The following STAR variants were observed in gnomAD, a reference collection of about 807,000 sequenced individuals.
STAR encodes the protein steroidogenic acute regulatory protein.
A neutral mutation model predicts 32.3 loss-of-function variants in STAR; 32 were observed. The ratio of observed to expected loss-of-function variants is 0.99; its 90% CI spans 0.75 to 1.33. The LOEUF is 1.33. Ranked by LOEUF, STAR falls within the 40% of genes most tolerant of loss-of-function variation. STAR has a pLI of 0.00. For synonymous variants in STAR, 134 were observed against 140.5 expected (o/e 0.95, Z 0.33); for missense variants, 375 against 379.0 (o/e 0.99, Z 0.09).
At position 38,146,124 on chromosome 8, in the gene STAR, A is replaced by C; in HGVS notation, c.489T>G (p.Asp163Glu). 1 of 1,614,004 alleles carries C rather than the reference A, an allele frequency of 6.2e-7. No homozygotes were observed. The highest frequency in any genetic ancestry group is 1.1e-5 in the South Asian group (1 of 91,080). Reference protein sequence around the residue: ...EIKVLQKIGKDTFITHELAAE... With the variant: ...EIKVLQKIGKETFITHELAAE... ...CAGCCAGCTCGTGAGTAATGAATGT[A>C]TCTTTTCCGATCTTCTGCAGGACCT... Residue 163 changes from aspartate (D) to glutamate (E), a missense_variant, in exon 5 of 7, where the codon GAT (aspartate) becomes GAG (glutamate). Coordinates refer to ENST00000276449, the MANE Select transcript of STAR (RefSeq NM_000349.3).
At chr8:38,146,504 A>G (rs1019406560) in intron 3 of STAR, 57 bp from the exon 4 acceptor site, 19 of 1,586,092 alleles carry the variant, frequency 1.2e-5, no homozygotes, top group Non-Finnish European at 1.6e-5. Context: ...TTGGCCGGGC[A>G]TGGTGGTTCA....
rs928693952 is a variant in STAR at position 38,144,163 on chromosome 8, C to T, written c.*110G>A. The T allele has an allele frequency of 6.9e-6, 8 of 1,167,770 alleles. No individual in the cohort carries two copies. In the African/African-American group the frequency reaches 1.2e-4, roughly 18 times the overall value. 72.3% of individuals were successfully genotyped at this position (1,167,770 alleles called of 1,614,324 possible). On this transcript the variant is annotated 3_prime_UTR_variant, in exon 7 of 7. Coordinates refer to ENST00000276449, the MANE Select transcript of STAR (RefSeq NM_000349.3). ...TACTCTAAACACGAACCCCACCCAT[C>T]CCACTGTCACCAGATGGAGATCTTA...
Position 38,146,407 on chromosome 8 carries a change from A to G in STAR, c.347T>C (p.Val116Ala). ...GACCTCCAGCCGGAACACCTTGCCC[A>G]CATCTGGGACCACTTTACTCATCAC... ...DKVMSKVVPD[V>A]GKVFRLEVVV... Residue 116 changes from valine (V) to alanine (A), a missense_variant, in exon 4 of 7, where the codon GTG (valine) becomes GCG (alanine). Physicochemically the swap from Val to Ala is moderately conservative, Grantham distance 64. Coordinates refer to ENST00000276449, the MANE Select transcript of STAR (RefSeq NM_000349.3). 1.2e-6 allele frequency: 2 copies of G among 1,614,136 alleles called. No individual in the cohort carries two copies. Among genetic ancestry groups the G allele is most frequent in the Non-Finnish European group, 1.7e-6 (2 of 1,180,046 alleles).
At position 38,143,948 on chromosome 8, in the gene STAR, C is replaced by G. The variant is rs149393230; in HGVS notation, c.*325G>C. On this transcript the variant is annotated 3_prime_UTR_variant, in exon 7 of 7. Coordinates refer to ENST00000276449, the MANE Select transcript of STAR (RefSeq NM_000349.3). ...TGGTTAGCATCCCCCACACCCATAT[C>G]AGCCACTAGCATTTTAAAGATGGTT... 385 of 359,934 alleles carry G rather than the reference C, an allele frequency of 1.1e-3. 1 individual carries two copies. Among genetic ancestry groups the G allele is most frequent in the African/African-American group, 7.6e-3 (359 of 47,098 alleles). The allele number at this position is 359,934 out of a possible 1,614,324, so 22.3% of individuals were successfully genotyped here. A position where few individuals can be genotyped will look rare whatever the true frequency, so the allele number is the denominator to read the frequency against.
intron 3 of STAR, among the ~76,000 whole-genome samples, chr8:38,147,857 G>A (rs574888731): frequency 1.3e-5 from 2 of 152,334 alleles, no homozygotes; most frequent in African/African-American, 4.8e-5. Flanking sequence ...TGACAGCACA[G>A]ACAGTGCACT....
rs1022441621 is a variant in STAR at position 38,143,496 on chromosome 8, G to A, written c.*777C>T. 2.0e-5 allele frequency among the ~76,000 whole-genome samples: 3 copies of A among 151,946 alleles called. No individual in the cohort carries two copies. Among genetic ancestry groups the A allele is most frequent in the South Asian group, 2.1e-4 (1 of 4,818 alleles). On this transcript the variant is annotated 3_prime_UTR_variant, in exon 7 of 7. Transcript: ENST00000276449. ...TAATTTTTTGTATTTTAGTAGAGAC[G>A]GGGTTTCACCATGTTGGCCAGGATG...
At chr8:38,150,686 T>C (rs1353075384) in intron 1 of STAR, 69 bp downstream of exon 1, 7 of 1,600,062 alleles carry the variant, frequency 4.4e-6, no homozygotes, top group African/African-American at 4.0e-5. Flanking sequence ...AGGATCAGAA[T>C]TGGGTGGCCT....
chr8:38,144,452 T>C, intron 6 of STAR, 66 bp from the exon 7 acceptor site: 1 of 1,546,460 alleles, frequency 6.5e-7, no homozygotes, highest in Non-Finnish European at 8.7e-7. Context: ...CACTGCACCC[T>C]ATCACAAACA....
At chr8:38,144,951 G>T in intron 6 of STAR, 1 of 1,226,312 alleles carries the variant, frequency 8.2e-7, no homozygotes, top group East Asian at 3.6e-5. Context: ...GGAGGTTACG[G>T]TGAGCTGAGA....
rs952997094 is a variant in STAR at position 38,148,553 on chromosome 8, G to A, written c.178+88C>T. Reference sequence around the variant, plus strand: ...GTCCTCTCAAAATGAAGGAATGGCAGGAGGGGAGCCAAAGCCACATGCACC... The same window carrying A: ...GTCCTCTCAAAATGAAGGAATGGCAAGAGGGGAGCCAAAGCCACATGCACC... On this transcript the variant is annotated intron_variant, in intron 2 of 6. Transcript: ENST00000276449. The A allele has an allele frequency of 9.6e-5, 134 of 1,399,524 alleles. No homozygotes were observed. In the Admixed American group the frequency reaches 2.3e-3, roughly 24 times the overall value. 86.7% of individuals were successfully genotyped at this position (1,399,524 alleles called of 1,614,324 possible). A position where few individuals can be genotyped will look rare whatever the true frequency, so the allele number is the denominator to read the frequency against.
chr8:38,150,722 A>C, intron 1 of STAR, 33 bp downstream of exon 1: 2 of 1,604,504 alleles, frequency 1.2e-6, no homozygotes, highest in Non-Finnish European at 1.7e-6. Context: ...AGAGCTGGCC[A>C]ACCCCTCATC....
intron 3 of STAR, among the ~76,000 whole-genome samples, chr8:38,147,424 G>A: frequency 6.6e-6 from 1 of 152,194 alleles, no homozygotes; most frequent in East Asian, 1.9e-4. Context: ...TACATAGAAT[G>A]TTGAATGGGA....
At chr8:38,150,162 C>T (rs1266865524) in intron 1 of STAR, among the ~76,000 whole-genome samples, 2 of 151,924 alleles carry the variant, frequency 1.3e-5, no homozygotes, top group Non-Finnish European at 1.5e-5. Context: ...TGGGAGAATC[C>T]CTTGAGCCCA....
Position 38,143,621 on chromosome 8 carries a change from C to G in STAR, c.*652G>C, listed in dbSNP as rs1049185010. The stretch of plus-strand genomic sequence containing the variant: ...CACCCAGCTGCATAGATTTTTTTAA[C>G]AGTACAATATTAAAACAAAGACTGA... On this transcript the variant is annotated 3_prime_UTR_variant, in exon 7 of 7. Transcript: ENST00000276449. 1.9e-5 allele frequency: 3 copies of G among 155,042 alleles called. No individual in the cohort carries two copies. Among genetic ancestry groups the G allele is most frequent in the Admixed American group, 1.9e-4 (3 of 15,862 alleles). The allele number at this position is 155,042 out of a possible 1,614,324, so 9.6% of individuals were successfully genotyped here.
In STAR at chr8:38,143,922, G is replaced by C. The variant is rs1802512855; in HGVS notation, c.*351C>G. On this transcript the variant is annotated 3_prime_UTR_variant, in exon 7 of 7. Coordinates refer to ENST00000276449, the MANE Select transcript of STAR (RefSeq NM_000349.3). ...CATAAAGCAAGACTTCTCAGGCCCTGTGGTTAGCATCCCCCACACCCATAT... is the reference window on the plus strand; with the variant it reads ...CATAAAGCAAGACTTCTCAGGCCCTCTGGTTAGCATCCCCCACACCCATAT... The C allele has an allele frequency of 5.7e-6, 2 of 350,928 alleles. No individual in the cohort carries two copies. Among genetic ancestry groups the C allele is most frequent in the African/African-American group, 4.3e-5 (2 of 46,720 alleles). 21.7% of individuals were successfully genotyped at this position (350,928 alleles called of 1,614,324 possible).
At chr8:38,148,067 T>G (rs949375721) in intron 3 of STAR, 133 bp downstream of exon 3, 12 of 1,199,494 alleles carry the variant, frequency 1.0e-5, no homozygotes, top group Non-Finnish European at 1.4e-5. Flanking sequence ...AAAGGAGAGT[T>G]CTCAAGATAA....
In STAR at chr8:38,143,029, A is replaced by G. The variant is rs1436609876; in HGVS notation, c.*1244T>C. 2.0e-5 allele frequency among the ~76,000 whole-genome samples: 3 copies of G among 152,228 alleles called. No individual in the cohort carries two copies. The highest frequency in any genetic ancestry group is 4.4e-5 in the Non-Finnish European group (3 of 68,044). On this transcript the variant is annotated 3_prime_UTR_variant, in exon 7 of 7. Coordinates refer to ENST00000276449, the MANE Select transcript of STAR (RefSeq NM_000349.3). ...TATTGTTTATCCTCTCATATTTGGCACTGCCTTTCCTTTTAATTAGGTAAA... is the reference window on the plus strand; with the variant it reads ...TATTGTTTATCCTCTCATATTTGGCGCTGCCTTTCCTTTTAATTAGGTAAA...
In STAR at chr8:38,148,271, C is replaced by A; in HGVS notation, c.235G>T (p.Gly79Trp). 1 of 1,614,094 alleles carries A rather than the reference C, an allele frequency of 6.2e-7. No individual in the cohort carries two copies. Among genetic ancestry groups the A allele is most frequent in the Non-Finnish European group, 8.5e-7 (1 of 1,179,994 alleles). Reference sequence around the variant, plus strand: ...AAGGCCTTCTGCATGGCCTCCTCCCCCTGCTGGAGATAGGCCAGCTCCTGG... The same window carrying A: ...AAGGCCTTCTGCATGGCCTCCTCCCACTGCTGGAGATAGGCCAGCTCCTGG... Reference protein sequence around the residue: ...SDQELAYLQQGEEAMQKALGI... With the variant: ...SDQELAYLQQWEEAMQKALGI... The change falls in exon 3 of 7, where the codon GGG (glycine) becomes TGG (tryptophan). Residue 79 changes from glycine (G) to tryptophan (W), a missense_variant. Physicochemically the swap from Gly to Trp is radical, Grantham distance 184. Coordinates refer to ENST00000276449, the MANE Select transcript of STAR (RefSeq NM_000349.3).
chr8:38,148,012 T>A (rs1350533708), intron 3 of STAR, among the ~76,000 whole-genome samples, 188 bp downstream of exon 3: 1 of 152,214 alleles, frequency 6.6e-6, no homozygotes, highest in Non-Finnish European at 1.5e-5. Flanking sequence ...CTCTCCAGGG[T>A]GTCTTTTATG....
Sources: gnomAD v4.1 joint callset for allele counts (sites outside exome capture counted in the v4.1 genomes callset) on GRCh38, gnomAD v4.1.1 for gene constraint, MANE v1.5 for transcripts, NCBI Gene and HGNC (gene_info 2026-07-23, HGNC 2026-07-21) for gene names.